Variants in SPAG7 observed in about 807,000 individuals in gnomAD.
The protein encoded by SPAG7 is sperm associated antigen 7.
In SPAG7, 20 loss-of-function variants were observed where a neutral mutation model predicts 30.6. The observed-to-expected ratio is 0.65, with a 90% CI of 0.46 to 0.95. SPAG7 has a LOEUF of 0.95. Ranked by LOEUF, SPAG7 falls within the 40% of genes least tolerant of loss-of-function variation. The pLI, the probability that SPAG7 is intolerant of heterozygous loss-of-function variation, is 0.00. For missense variants in SPAG7, 276 were observed against 291.1 expected (o/e 0.95, Z 0.38); for synonymous variants, 127 against 104.2 (o/e 1.22, Z -1.33).
rs1307344974 is a variant in SPAG7, at chr17:4,959,310, A to G, written c.*224T>C. 67 of 586,230 alleles carry G rather than the reference A, an allele frequency of 1.1e-4. 1 individual carries two copies. Among genetic ancestry groups the G allele is most frequent in the Non-Finnish European group, 1.2e-5 (4 of 329,148 alleles). The allele number at this position is 586,230 out of a possible 1,614,324, so 36.3% of individuals were successfully genotyped here. A position where few individuals can be genotyped will look rare whatever the true frequency, so the allele number is the denominator to read the frequency against. On this transcript the variant is annotated 3_prime_UTR_variant, in exon 7 of 7. Coordinates refer to ENST00000206020, the MANE Select transcript of SPAG7 (RefSeq NM_004890.3). ...CAAGAACGGGGAATAATACAGATTAAATACCCACCTGTGCATTCACACTCT... is the reference window on the plus strand; with the variant it reads ...CAAGAACGGGGAATAATACAGATTAGATACCCACCTGTGCATTCACACTCT...
In SPAG7 at chr17:4,959,393, AC is replaced by A; in HGVS notation, c.*140del. On this transcript the variant is annotated 3_prime_UTR_variant, in exon 7 of 7. Coordinates refer to ENST00000206020, the MANE Select transcript of SPAG7 (RefSeq NM_004890.3). ...AAGCTCCAACGGTGACAAATCAAAC[AC>A]CTGTTTTCCCCCAGCCTGAGGGACA... The A allele has an allele frequency of 1.5e-6, 1 of 667,448 alleles. No homozygotes were observed. The highest frequency in any genetic ancestry group is 2.5e-5 in the Admixed American group (1 of 39,734). 41.3% of individuals were successfully genotyped at this position (667,448 alleles called of 1,614,324 possible). A position where few individuals can be genotyped will look rare whatever the true frequency, so the allele number is the denominator to read the frequency against.
chr17:4,963,837 A>C (rs1017969760), intron 1 of SPAG7, among the ~76,000 whole-genome samples: 1 of 152,162 alleles, frequency 6.6e-6, no homozygotes, highest in African/African-American at 2.4e-5. Context: ...AAGCTGAAAT[A>C]GATAATCTGA....
intron 1 of SPAG7, among the ~76,000 whole-genome samples, chr17:4,961,456 CA>C (rs962164574): frequency 9.8e-4 from 117 of 119,236 alleles, no homozygotes; most frequent in Non-Finnish European, 7.8e-4. Flanking sequence ...AACTCCGTCT[CA>C]AAAAAAAAAA....
chr17:4,967,682 C>G, intron 1 of SPAG7, 38 bp downstream of exon 1: 1 of 1,508,054 alleles, frequency 6.6e-7, no homozygotes, highest in Non-Finnish European at 9.2e-7. Context: ...TCCCGAGAAC[C>G]GGGCGAAGGA....
chr17:4,967,635 T>C lies in SPAG7; in HGVS notation c.85+85A>G, dbSNP rs571811380. On this transcript the variant is annotated intron_variant, in intron 1 of 6. Coordinates refer to ENST00000206020, the MANE Select transcript of SPAG7 (RefSeq NM_004890.3). ...GGGCCTGTGAGGGGTCTTTCAAGGT[T>C]GAGGAGGCGGCATCGTCCAAAGAGG... 24 of 1,058,902 alleles carry C rather than the reference T, an allele frequency of 2.3e-5. No homozygotes were observed. The African/African-American group carries it at 2.3e-4, about 10-fold the overall frequency. The allele number at this position is 1,058,902 out of a possible 1,614,324, so 65.6% of individuals were successfully genotyped here.
In SPAG7 at chr17:4,959,469, C is replaced by T; in HGVS notation, c.*65G>A. 1.5e-6 allele frequency: 2 copies of T among 1,327,980 alleles called. No individual in the cohort carries two copies. The highest frequency in any genetic ancestry group is 2.4e-5 in the South Asian group (2 of 84,750). 82.3% of individuals were successfully genotyped at this position (1,327,980 alleles called of 1,614,324 possible). ...GGGGCTCCAGGATGGGCTCTAATAG[C>T]AGCAGCCTTGTCTCTCCCTGCCCCC... is the stretch of plus-strand genomic sequence containing the variant. On this transcript the variant is annotated 3_prime_UTR_variant, in exon 7 of 7. Transcript: ENST00000206020.
chr17:4,962,637 T>C (rs1479423163), intron 1 of SPAG7, among the ~76,000 whole-genome samples: 2 of 151,970 alleles, frequency 1.3e-5, no homozygotes, highest in Admixed American at 6.6e-5. Context: ...CAGGATGGTA[T>C]TTTTATTTTA....
chr17:4,966,250 T>C lies in SPAG7; in HGVS notation c.85+1470A>G, dbSNP rs567878976. The C allele has an allele frequency of 2.0e-3, 298 of 152,424 alleles. 2 individuals carry two copies. Among genetic ancestry groups the C allele is most frequent in the Middle Eastern group, 3.4e-3 (1 of 294 alleles). 9.4% of individuals were successfully genotyped at this position (152,424 alleles called of 1,614,324 possible). A position where few individuals can be genotyped will look rare whatever the true frequency, so the allele number is the denominator to read the frequency against. ...GCCGCGGCCTCCCAAAGTGGTGGTA[T>C]TAAAGGTGTGAGCTACAAGGCCGGG... is the stretch of plus-strand genomic sequence containing the variant. On this transcript the variant is annotated intron_variant, in intron 1 of 6. Transcript: ENST00000206020.
At chr17:4,963,105 T>C (rs1442516326) in intron 1 of SPAG7, among the ~76,000 whole-genome samples, 1 of 151,840 alleles carries the variant, frequency 6.6e-6, no homozygotes, top group Non-Finnish European at 1.5e-5. Context: ...ATTAAATAAA[T>C]GTTTGGGCTG....
At chr17:4,960,616 G>C (rs1971846724) in intron 2 of SPAG7, 69 bp from the exon 3 acceptor site, 1 of 1,432,752 alleles carries the variant, frequency 7.0e-7, no homozygotes, top group Non-Finnish European at 9.8e-7. Flanking sequence ...CCCTAGCTGA[G>C]CCTGGGCCCT....
At chr17:4,967,666 G>C (rs1162720979) in intron 1 of SPAG7, 54 bp downstream of exon 1, 2 of 1,368,144 alleles carry the variant, frequency 1.5e-6, no homozygotes, top group Admixed American at 3.4e-5. Context: ...AGAGGGAGAA[G>C]TATGGTCCCG....
chr17:4,964,164 G>C (rs1971908970), intron 1 of SPAG7, among the ~76,000 whole-genome samples: 1 of 151,756 alleles, frequency 6.6e-6, no homozygotes, highest in Admixed American at 6.6e-5. Flanking sequence ...CTCTTCCTTA[G>C]ATCCTGCCTC....
At chr17:4,963,331 A>G (rs1971895591) in intron 1 of SPAG7, among the ~76,000 whole-genome samples, 1 of 152,076 alleles carries the variant, frequency 6.6e-6, no homozygotes, top group African/African-American at 2.4e-5. Context: ...TAGGTGACAG[A>G]GCAAGACCCT....
rs1417239439 is a variant in SPAG7, at chr17:4,959,344, C to T, written c.*190G>A. Reference sequence around the variant, plus strand: ...CTGTGCATTCACACTCTCACACACACACACACATGCCACGCACATATCCAA... The same window carrying T: ...CTGTGCATTCACACTCTCACACACATACACACATGCCACGCACATATCCAA... On this transcript the variant is annotated 3_prime_UTR_variant, in exon 7 of 7. Coordinates refer to ENST00000206020, the MANE Select transcript of SPAG7 (RefSeq NM_004890.3). 1 of 602,250 alleles carries T rather than the reference C, an allele frequency of 1.7e-6. No individual in the cohort carries two copies. Among genetic ancestry groups the T allele is most frequent in the African/African-American group, 1.9e-5 (1 of 53,868 alleles). 37.3% of individuals were successfully genotyped at this position (602,250 alleles called of 1,614,324 possible). A position where few individuals can be genotyped will look rare whatever the true frequency, so the allele number is the denominator to read the frequency against.
chr17:4,967,397 C>A (rs1350833345), intron 1 of SPAG7, among the ~76,000 whole-genome samples: 2 of 152,112 alleles, frequency 1.3e-5, no homozygotes, highest in African/African-American at 2.4e-5. Flanking sequence ...GTGAGCGGGG[C>A]AGGAATGCGG....
chr17:4,966,754 C>T (rs766164723), intron 1 of SPAG7: 1 of 985,462 alleles, frequency 1.0e-6, no homozygotes, highest in Non-Finnish European at 1.2e-6. Context: ...ACTGTGGCCT[C>T]CCTGAGGGGT....
chr17:4,964,422 C>T (rs966757169), intron 1 of SPAG7, among the ~76,000 whole-genome samples: 3 of 140,802 alleles, frequency 2.1e-5, no homozygotes, highest in South Asian at 4.4e-4. Context: ...AGTGCAGTGG[C>T]GCAATCTCCG....
At position 4,959,484 on chromosome 17, in the gene SPAG7, T is replaced by TCCCTGCCCCCTG. The variant is rs1244017091; in HGVS notation, c.*38_*49dup. 1 of 1,478,196 alleles carries TCCCTGCCCCCTG rather than the reference T, an allele frequency of 6.8e-7. No individual in the cohort carries two copies. Among genetic ancestry groups the TCCCTGCCCCCTG allele is most frequent in the African/African-American group, 1.4e-5 (1 of 72,332 alleles). 91.6% of individuals were successfully genotyped at this position (1,478,196 alleles called of 1,614,324 possible). On this transcript the variant is annotated 3_prime_UTR_variant, in exon 7 of 7. Transcript: ENST00000206020. The stretch of plus-strand genomic sequence containing the variant: ...GCTCTAATAGCAGCAGCCTTGTCTC[T>TCCCTGCCCCCTG]CCCTGCCCCCTGCCCTGCCCCAGGG...
intron 1 of SPAG7, 76 bp from the exon 2 acceptor site, chr17:4,960,929 G>T (rs940693426): frequency 4.4e-5 from 58 of 1,312,174 alleles, no homozygotes; most frequent in Non-Finnish European, 5.9e-5. Context: ...TTCAAGTGAA[G>T]TGTGGTGTCC....
Sources: gnomAD v4.1 joint callset for allele counts (sites outside exome capture counted in the v4.1 genomes callset) on GRCh38, gnomAD v4.1.1 for gene constraint, MANE v1.5 for transcripts, NCBI Gene and HGNC (gene_info 2026-07-23, HGNC 2026-07-21) for gene names.